Variants in CACNA1I observed in about 807,000 individuals in gnomAD.
The protein encoded by CACNA1I is calcium voltage-gated channel subunit alpha1 I.
In CACNA1I, 74 loss-of-function variants were observed where a neutral mutation model predicts 201.6. That is an observed-to-expected ratio of 0.37 (90% CI 0.30 to 0.45). The LOEUF is 0.45. CACNA1I is among the 20% of genes least tolerant of loss of function. The probability of loss-of-function intolerance (pLI) is 1.00; values close to 1 mark genes in which losing one functional copy is unlikely to be tolerated. For missense variants in CACNA1I, 2,346 were observed against 3,138.1 expected, an observed-to-expected ratio of 0.75 and a Z score of 6.03; for synonymous variants, 1,431 against 1,345.2, an observed-to-expected ratio of 1.06 and a Z score of -1.40.
chr22:39,677,506 G>C lies in CACNA1I; in HGVS notation c.4933+87G>C. The C allele has an allele frequency of 1.1e-6, 1 of 897,388 alleles. No homozygotes were observed. Among genetic ancestry groups the C allele is most frequent in the African/African-American group, 1.7e-5 (1 of 59,178 alleles). 55.6% of individuals were successfully genotyped at this position (897,388 alleles called of 1,614,324 possible). Reference sequence around the variant, plus strand: ...GGGGCGGGGGAGGCCTGAGACCCCTGAGCCCGTCACATCAGGGTCTTTGTA... The same window carrying C: ...GGGGCGGGGGAGGCCTGAGACCCCTCAGCCCGTCACATCAGGGTCTTTGTA... On this transcript the variant is annotated intron_variant, in intron 30 of 36. Transcript: ENST00000402142. The surrounding 1 kb of genome is among the most constrained non-coding windows in gnomAD (Gnocchi z 4.8).
intron 20 of CACNA1I, among the ~76,000 whole-genome samples, 160 bp from the exon 21 acceptor site, chr22:39,664,579 G>A (rs1935123942): frequency 6.6e-6 from 1 of 151,802 alleles, no homozygotes; most frequent in Admixed American, 6.6e-5. Context: ...AGGGCGGCCT[G>A]AACCCTCCCC....
At chr22:39,592,150 C>T (rs1045250399) in intron 1 of CACNA1I, among the ~76,000 whole-genome samples, 1 of 152,176 alleles carries the variant, frequency 6.6e-6, no homozygotes, top group Non-Finnish European at 1.5e-5. Context: ...ATTTTCTCCC[C>T]GAGGCCTGTG....
chr22:39,604,604 G>A (rs1933156293), intron 3 of CACNA1I, among the ~76,000 whole-genome samples: 1 of 152,058 alleles, frequency 6.6e-6, no homozygotes. Flanking sequence ...TTTTGAGGCA[G>A]TTTCATTCTG....
Position 39,676,896 on chromosome 22 carries a change from G to A in CACNA1I, c.4855-445G>A, listed in dbSNP as rs922658030. Among the ~76,000 whole-genome samples, 7 of 152,318 alleles carry A rather than the reference G, an allele frequency of 4.6e-5. No homozygotes were observed. The highest frequency in any genetic ancestry group is 4.1e-4 in the South Asian group (2 of 4,832). On this transcript the variant is annotated intron_variant, in intron 29 of 36. Coordinates refer to ENST00000402142, the MANE Select transcript of CACNA1I (RefSeq NM_021096.4). This position sits in a 1 kb window ranked among gnomAD's most constrained non-coding sequence, Gnocchi z 4.8. ...TTCAACCTTGGTAGCCACTCAAGGCGTGTAGCATAGATTGTGTGCATGGAC... is the reference window on the plus strand; with the variant it reads ...TTCAACCTTGGTAGCCACTCAAGGCATGTAGCATAGATTGTGTGCATGGAC...
chr22:39,586,134 T>C (rs973577266), intron 1 of CACNA1I, among the ~76,000 whole-genome samples: 2 of 151,872 alleles, frequency 1.3e-5, no homozygotes, highest in Non-Finnish European at 2.9e-5. Flanking sequence ...GCCGAGATCG[T>C]GCCATTGTAC....
chr22:39,663,799 C>G lies in CACNA1I; in HGVS notation c.3555C>G (p.Ile1185Met). The G allele has an allele frequency of 6.2e-7, 1 of 1,605,226 alleles. No homozygotes were observed. The highest frequency in any genetic ancestry group is 1.1e-5 in the South Asian group (1 of 90,926). ...TGGCCTTCATCTTTCTCAACTGCATCACCATCGCCCTGGAGCGGCCTCAGA... is the reference window on the plus strand; with the variant it reads ...TGGCCTTCATCTTTCTCAACTGCATGACCATCGCCCTGGAGCGGCCTCAGA... The part of the protein sequence containing the change: ...VVLAFIFLNC[I>M]TIALERPQIE... Residue 1185 changes from isoleucine (I) to methionine (M), a missense_variant, in exon 19 of 37, where the codon ATC becomes ATG. By Grantham distance (10) the Ile-to-Met change is conservative. This residue lies in a region of CACNA1I where 158 missense variants were observed against 231.6 expected (regional missense o/e 0.68). Coordinates refer to ENST00000402142, the MANE Select transcript of CACNA1I (RefSeq NM_021096.4).
intron 1 of CACNA1I, among the ~76,000 whole-genome samples, chr22:39,589,762 C>T (rs1171071229): frequency 2.0e-5 from 3 of 152,310 alleles, no homozygotes; most frequent in African/African-American, 7.2e-5. Flanking sequence ...CCTTTGGGTT[C>T]ACTGGGGACC....
At chr22:39,655,993 A>T (rs1454965181) in intron 10 of CACNA1I, among the ~76,000 whole-genome samples, 1 of 152,138 alleles carries the variant, frequency 6.6e-6, no homozygotes, top group Non-Finnish European at 1.5e-5. Flanking sequence ...ATCTCCGCGG[A>T]CATCGCTTAC....
At chr22:39,632,834 C>T (rs982372493) in intron 4 of CACNA1I, among the ~76,000 whole-genome samples, 5 of 151,326 alleles carry the variant, frequency 3.3e-5, no homozygotes, top group African/African-American at 1.2e-4. Context: ...CTCTGCTGTA[C>T]ACGCCTCGCT....
Position 39,660,371 on chromosome 22 carries a change from G to A in CACNA1I, c.2632G>A (p.Glu878Lys), listed in dbSNP as rs934554704. 5.0e-6 allele frequency: 8 copies of A among 1,612,752 alleles called. No individual in the cohort carries two copies. The African/African-American group carries it at 6.7e-5, about 13-fold the overall frequency. Residue 878 changes from glutamate to lysine, a missense_variant, in exon 15 of 37, where the codon GAG becomes AAG. By Grantham distance (56) the Glu-to-Lys change is moderately conservative. Around this residue, in one of 13 missense-constraint regions of CACNA1I, gnomAD observed 92 missense variants for 114.5 expected, o/e 0.80. Coordinates refer to ENST00000402142, the MANE Select transcript of CACNA1I (RefSeq NM_021096.4). ...TGACGCCAATCGCTCCTACTCGGAC[G>A]AGGACCAGAGCTCATCCAACATAGA... Reference protein sequence around the residue: ...EGDANRSYSDEDQSSSNIEEF... With the variant: ...EGDANRSYSDKDQSSSNIEEF...
chr22:39,662,290 C>T lies in CACNA1I; in HGVS notation c.3227C>T (p.Ala1076Val), dbSNP rs1478174974. ...GCCGAGCTGGTGCCCGCGGTGGGCGCCCACCCCCGGGCCGCCTGGAGGGCG... is the reference window on the plus strand; with the variant it reads ...GCCGAGCTGGTGCCCGCGGTGGGCGTCCACCCCCGGGCCGCCTGGAGGGCG... ...DLAELVPAVG[A>V]HPRAAWRAAG... Residue 1076 changes from alanine (A) to valine (V), a missense_variant, in exon 17 of 37, where the codon GCC (alanine) becomes GTC (valine). Physicochemically the swap from Ala to Val is moderately conservative, Grantham distance 64 (BLOSUM62 0). Around this residue, in one of 13 missense-constraint regions of CACNA1I, gnomAD observed 288 missense variants for 255.2 expected, o/e 1.13. Coordinates refer to ENST00000402142, the MANE Select transcript of CACNA1I (RefSeq NM_021096.4). 1.3e-6 allele frequency: 2 copies of T among 1,512,230 alleles called. No individual in the cohort carries two copies. The highest frequency in any genetic ancestry group is 1.8e-6 in the Non-Finnish European group (2 of 1,135,908). The allele number at this position is 1,512,230 out of a possible 1,614,324, so 93.7% of individuals were successfully genotyped here. A position where few individuals can be genotyped will look rare whatever the true frequency, so the allele number is the denominator to read the frequency against.
Position 39,677,481 on chromosome 22 carries a change from G to GTCTCAGGCCTCCCCCGCCCCCCCA in CACNA1I, c.4933+62_4933+63insTCTCAGGCCTCCCCCGCCCCCCCA. 1 of 1,221,502 alleles carries GTCTCAGGCCTCCCCCGCCCCCCCA rather than the reference G, an allele frequency of 8.2e-7. No homozygotes were observed. The highest frequency in any genetic ancestry group is 1.1e-6 in the Non-Finnish European group (1 of 890,044). 75.7% of individuals were successfully genotyped at this position (1,221,502 alleles called of 1,614,324 possible). A position where few individuals can be genotyped will look rare whatever the true frequency, so the allele number is the denominator to read the frequency against. On this transcript the variant is annotated intron_variant, in intron 30 of 36. Transcript: ENST00000402142. This position sits in a 1 kb window ranked among gnomAD's most constrained non-coding sequence, Gnocchi z 4.8. The stretch of plus-strand genomic sequence containing the variant: ...CAGCAGGGCTGCAGGAGGAACTGGG[G>GTCTCAGGCCTCCCCCGCCCCCCCA]GGGCGGGGGAGGCCTGAGACCCCTG...
At chr22:39,598,957 T>TTA (rs1932959844) in intron 2 of CACNA1I, among the ~76,000 whole-genome samples, 1 of 136,362 alleles carries the variant, frequency 7.3e-6, no homozygotes, top group Admixed American at 7.3e-5. Flanking sequence ...TTTTTTTTTT[T>TTA]TTTTTTTTGA....
Position 39,660,330 on chromosome 22 carries a change from G to C in CACNA1I, c.2605-14G>C. On this transcript the variant is annotated splice_polypyrimidine_tract_variant and intron_variant, in intron 14 of 36. Transcript: ENST00000402142. Reference sequence around the variant, plus strand: ...GGACTGACCTGCATTCTAACGTGACGGATGCTCTCCCAGGGTGACGCCAAT... The same window carrying C: ...GGACTGACCTGCATTCTAACGTGACCGATGCTCTCCCAGGGTGACGCCAAT... 1 of 1,605,644 alleles carries C rather than the reference G, an allele frequency of 6.2e-7. No individual in the cohort carries two copies. The highest frequency in any genetic ancestry group is 2.2e-5 in the East Asian group (1 of 44,800).
intron 4 of CACNA1I, among the ~76,000 whole-genome samples, chr22:39,627,848 A>C (rs1046572711): frequency 6.7e-6 from 1 of 149,408 alleles, no homozygotes; most frequent in Non-Finnish European, 1.5e-5. Context: ...GACAGCCCCC[A>C]TGGGGAAGGA....
intron 7 of CACNA1I, chr22:39,643,316 G>A (rs1934396061): frequency 1.9e-5 from 3 of 161,606 alleles, no homozygotes; most frequent in East Asian, 3.6e-4. Context: ...GAGGGAGGTC[G>A]CCTGATAGTG....
Position 39,646,768 on chromosome 22 carries a change from A to C in CACNA1I, c.1349A>C (p.Lys450Thr), listed in dbSNP as rs1934503982. The change falls in exon 8 of 37, where the codon AAG becomes ACG. Residue 450 changes from lysine to threonine, a missense_variant. Physicochemically the swap from Lys to Thr is moderately conservative, Grantham distance 78. Around this residue, in one of 13 missense-constraint regions of CACNA1I, gnomAD observed 312 missense variants for 331.5 expected, o/e 0.94. Coordinates refer to ENST00000402142, the MANE Select transcript of CACNA1I (RefSeq NM_021096.4). Reference protein sequence around the residue: ...QYVCHILRKAKRRALGLYQAL... With the variant: ...QYVCHILRKATRRALGLYQAL... ...GTCTGCCACATCCTGCGCAAGGCCAAGCGCCGCGCCCTGGGCCTCTACCAG... is the reference window on the plus strand; with the variant it reads ...GTCTGCCACATCCTGCGCAAGGCCACGCGCCGCGCCCTGGGCCTCTACCAG... 4 of 1,586,826 alleles carry C rather than the reference A, an allele frequency of 2.5e-6. No individual in the cohort carries two copies. The highest frequency in any genetic ancestry group is 3.4e-6 in the Non-Finnish European group (4 of 1,167,014).
intron 29 of CACNA1I, among the ~76,000 whole-genome samples, chr22:39,674,766 C>T (rs748599809): frequency 4.0e-5 from 6 of 151,750 alleles, no homozygotes; most frequent in Non-Finnish European, 8.8e-5. Context: ...TATGACTCAA[C>T]GAGTCATCAG....
chr22:39,680,141 G>A (rs1333266080), intron 33 of CACNA1I, among the ~76,000 whole-genome samples: 3 of 152,212 alleles, frequency 2.0e-5, no homozygotes, highest in Admixed American at 6.5e-5. Flanking sequence ...TGTGCTGCAG[G>A]TGCCAGGCAG....
Sources: gnomAD v4.1 joint callset for allele counts (sites outside exome capture counted in the v4.1 genomes callset) on GRCh38, gnomAD v4.1.1 for gene constraint, gnomAD v4.1.1 regional missense constraint, Gnocchi (gnomAD v3.1) non-coding constraint, MANE v1.5 for transcripts, NCBI Gene and HGNC (gene_info 2026-07-23, HGNC 2026-07-21) for gene names.